The following TRIM2 variants were observed in gnomAD, a reference collection of about 807,000 sequenced individuals.
The protein encoded by TRIM2 is tripartite motif containing 2.
TRIM2 carries 20 observed loss-of-function variants against 75.2 expected under a neutral mutation model. The observed-to-expected ratio is 0.27, with a 90% CI of 0.19 to 0.39. The LOEUF (loss-of-function observed/expected upper bound fraction) is 0.39. Among genes scored for constraint, TRIM2 ranks in the 10% least tolerant of loss-of-function variants. The probability of loss-of-function intolerance (pLI) is 1.00; values close to 1 mark genes in which losing one functional copy is unlikely to be tolerated. For missense variants in TRIM2, 660 were observed against 990.8 expected, an observed-to-expected ratio of 0.67 and a Z score of 4.48; for synonymous variants, 373 against 388.3, an observed-to-expected ratio of 0.96 and a Z score of 0.46.
At chr4:153,300,082 GT>G (rs1161312888) in intron 6 of TRIM2, among the ~76,000 whole-genome samples, 1 of 152,176 alleles carries the variant, frequency 6.6e-6, no homozygotes, top group African/African-American at 2.4e-5. Flanking sequence ...CCGAAAATTT[GT>G]TTCTAACAGA....
Position 153,175,161 on chromosome 4 carries a change from C to T in TRIM2, c.-49+21891C>T, listed in dbSNP as rs189412743. On this transcript the variant is annotated intron_variant, in intron 1 of 11. Coordinates refer to the TRIM2 transcript ENST00000437508. The stretch of plus-strand genomic sequence containing the variant: ...CCTCCCAAGTCACTGGAATTACAGG[C>T]GTCTGCCACAATGCCCAGCTAATTA... 3.4e-4 allele frequency among the ~76,000 whole-genome samples: 52 copies of T among 152,240 alleles called. No individual in the cohort carries two copies. The East Asian group carries it at 4.2e-3, about 12-fold the overall frequency.
At chr4:153,192,131 A>G (rs1376240726) in intron 1 of TRIM2, among the ~76,000 whole-genome samples, 1 of 152,044 alleles carries the variant, frequency 6.6e-6, no homozygotes, top group East Asian at 1.9e-4. Flanking sequence ...TCCTCACCCC[A>G]CACCCTTCCC....
At chr4:153,173,686 G>T (rs1731111708) in intron 1 of TRIM2, among the ~76,000 whole-genome samples, 1 of 150,792 alleles carries the variant, frequency 6.6e-6, no homozygotes, top group East Asian at 2.0e-4. Flanking sequence ...ATAATAATAA[G>T]GCCGGACGTG....
At chr4:153,245,286 C>A (rs779591868) in intron 1 of TRIM2, among the ~76,000 whole-genome samples, 21 of 152,184 alleles carry the variant, frequency 1.4e-4, no homozygotes, top group Non-Finnish European at 2.2e-4. Context: ...TTTTCATTTA[C>A]GAGGTTTTTG....
intron 10 of TRIM2, 55 bp downstream of exon 10, chr4:153,324,203 G>A (rs1339151933): frequency 1.3e-6 from 2 of 1,502,214 alleles, no homozygotes; most frequent in Non-Finnish European, 1.8e-6. Context: ...TGGAGAAATT[G>A]GTCTGCGAGA....
intron 3 of TRIM2, among the ~76,000 whole-genome samples, chr4:153,282,317 G>A (rs1759534939): frequency 6.6e-6 from 1 of 152,200 alleles, no homozygotes; most frequent in Non-Finnish European, 1.5e-5. Flanking sequence ...CAGGGCCTTG[G>A]CTTCCCAAGA....
At chr4:153,294,628 C>A in intron 5 of TRIM2, 143 bp downstream of exon 5, 1 of 903,564 alleles carries the variant, frequency 1.1e-6, no homozygotes, top group Admixed American at 3.5e-5. Context: ...TAATATCCAG[C>A]TATTTTTTCC....
intron 1 of TRIM2, among the ~76,000 whole-genome samples, chr4:153,154,031 T>C (rs1017917795): frequency 1.3e-5 from 2 of 152,176 alleles, no homozygotes; most frequent in African/African-American, 4.8e-5. Flanking sequence ...TCAACTCAGT[T>C]TTATATTTAA....
intron 1 of TRIM2, among the ~76,000 whole-genome samples, chr4:153,204,830 GC>G (rs914215154): frequency 5.9e-5 from 9 of 152,124 alleles, no homozygotes; most frequent in African/African-American, 2.2e-4. Context: ...AAAGCATAAG[GC>G]CAGTTCCAGT....
intron 1 of TRIM2, among the ~76,000 whole-genome samples, chr4:153,267,415 G>T (rs932361727): frequency 6.6e-6 from 1 of 152,218 alleles, no homozygotes; most frequent in African/African-American, 2.4e-5. Flanking sequence ...CACTTTGGGA[G>T]GCTGAGGCGG....
Position 153,221,813 on chromosome 4 carries a change from AGG to A in TRIM2, c.30+17255_30+17256del, listed in dbSNP as rs1191366239. Among the ~76,000 whole-genome samples the A allele has an allele frequency of 1.1e-3, 106 of 97,048 alleles. 1 individual carries two copies. The highest frequency in any genetic ancestry group is 4.3e-3 in the African/African-American group (104 of 24,052). 63.7% of individuals were successfully genotyped at this position (97,048 alleles called of 152,430 possible). Reference sequence around the variant, plus strand: ...GAAGGAAAGAGCGAGGAAGGAAGGGAGGGAGGGAGGAAATGAAGGAAGGAAGG... The same window carrying A: ...GAAGGAAAGAGCGAGGAAGGAAGGGAGAGGGAGGAAATGAAGGAAGGAAGG... On this transcript the variant is annotated intron_variant, in intron 1 of 11. Transcript: ENST00000338700.
chr4:153,234,449 G>A (rs1744481438), intron 1 of TRIM2, among the ~76,000 whole-genome samples: 1 of 152,202 alleles, frequency 6.6e-6, no homozygotes, highest in Non-Finnish European at 1.5e-5. Context: ...CGGGCTAAAT[G>A]TGATCTCATG....
chr4:153,280,110 A>C (rs1197065403), intron 3 of TRIM2, among the ~76,000 whole-genome samples: 1 of 131,490 alleles, frequency 7.6e-6, no homozygotes, highest in East Asian at 2.2e-4. Context: ...AATTCAACTC[A>C]AGTTAGAAAA....
Position 153,336,647 on chromosome 4 carries a change from C to T in TRIM2, c.*1681C>T, listed in dbSNP as rs927428466. The T allele has an allele frequency of 2.0e-6, 2 of 985,416 alleles. No homozygotes were observed. Among genetic ancestry groups the T allele is most frequent in the African/African-American group, 3.5e-5 (2 of 57,164 alleles). 61.0% of individuals were successfully genotyped at this position (985,416 alleles called of 1,614,324 possible). A position where few individuals can be genotyped will look rare whatever the true frequency, so the allele number is the denominator to read the frequency against. On this transcript the variant is annotated 3_prime_UTR_variant, in exon 12 of 12. Transcript: ENST00000338700. Reference sequence around the variant, plus strand: ...ACTGTACTATAAGAAAACATTTCCCCTATGTATAATTATATGAATGTGATG... The same window carrying T: ...ACTGTACTATAAGAAAACATTTCCCTTATGTATAATTATATGAATGTGATG...
intron 3 of TRIM2, among the ~76,000 whole-genome samples, chr4:153,289,729 C>T (rs1761445201): frequency 6.6e-6 from 1 of 152,140 alleles, no homozygotes; most frequent in Non-Finnish European, 1.5e-5. Context: ...TAAAATTTGC[C>T]ATTGATCTAG....
chr4:153,159,464 C>T (rs1362689596), intron 1 of TRIM2, among the ~76,000 whole-genome samples: 2 of 151,862 alleles, frequency 1.3e-5, no homozygotes, highest in Non-Finnish European at 2.9e-5. Context: ...CCACACCCGG[C>T]TAATTTTTTT....
At chr4:153,192,670 G>A (rs1014722188) in intron 1 of TRIM2, among the ~76,000 whole-genome samples, 1 of 150,934 alleles carries the variant, frequency 6.6e-6, no homozygotes. Context: ...AATTAATGAT[G>A]ACAGTTCGAT....
intron 1 of TRIM2, among the ~76,000 whole-genome samples, chr4:153,246,262 A>C (rs1749113448): frequency 6.6e-6 from 1 of 152,186 alleles, no homozygotes; most frequent in African/African-American, 2.4e-5. Context: ...TATCTCTTTT[A>C]CTTTTTACAG....
chr4:153,155,820 C>A (rs1443792763), intron 1 of TRIM2, among the ~76,000 whole-genome samples: 2 of 152,128 alleles, frequency 1.3e-5, no homozygotes, highest in African/African-American at 2.4e-5. Flanking sequence ...TCTAGGAGCT[C>A]CCTAGGCAAA....
Sources: gnomAD v4.1 joint callset for allele counts (sites outside exome capture counted in the v4.1 genomes callset) on GRCh38, gnomAD v4.1.1 for gene constraint, MANE v1.5 for transcripts, NCBI Gene and HGNC (gene_info 2026-07-23, HGNC 2026-07-21) for gene names.